The following SPATA6 variants were observed in gnomAD, a reference collection of about 807,000 sequenced individuals.
SPATA6 encodes the protein spermatogenesis-associated protein 6.
Under a neutral mutation model 65.3 loss-of-function variants are expected in SPATA6, and 56 were observed. The observed-to-expected ratio is 0.86, with a 90% confidence interval of 0.69 to 1.07. The LOEUF (loss-of-function observed/expected upper bound fraction) is 1.07, where lower values mean the gene tolerates loss of function less well. Among genes scored for constraint, SPATA6 ranks in the 50% least tolerant of loss-of-function variants. The pLI is 0.00. For missense variants in SPATA6, 590 were observed against 594.8 expected, an observed-to-expected ratio of 0.99 and a Z score of 0.08; for synonymous variants, 199 against 213.2, an observed-to-expected ratio of 0.93 and a Z score of 0.58.
chr1:48,268,496 C>A, the SPATA6 span, among the ~76,000 whole-genome samples: 3 of 151,962 alleles, frequency 2.0e-5, no homozygotes, highest in Non-Finnish European at 2.9e-5. Flanking sequence ...ACTTCTACCT[C>A]TAACATTCTC....
chr1:48,312,318 G>A (rs900473092), intron 11 of SPATA6, among the ~76,000 whole-genome samples: 1 of 152,080 alleles, frequency 6.6e-6, no homozygotes, highest in African/African-American at 2.4e-5. Context: ...GCACCCCCCA[G>A]TAGGGGCAGA....
intron 11 of SPATA6, among the ~76,000 whole-genome samples, chr1:48,353,728 T>A (rs930351878): frequency 1.3e-5 from 2 of 151,966 alleles, no homozygotes; most frequent in African/African-American, 2.4e-5. Flanking sequence ...GACTTGAACC[T>A]TTCTTGAAAT....
intron 9 of SPATA6, among the ~76,000 whole-genome samples, chr1:48,376,057 G>A (rs571363287): frequency 1.3e-5 from 2 of 152,268 alleles, no homozygotes; most frequent in South Asian, 4.1e-4. Context: ...TTGCCTTTCA[G>A]ATGCCTTCAC....
intron 1 of SPATA6, among the ~76,000 whole-genome samples, chr1:48,471,640 C>T (rs930081750): frequency 7.9e-5 from 12 of 152,082 alleles, no homozygotes; most frequent in Admixed American, 5.9e-4. Context: ...CCCCGCGCCG[C>T]GCACATACAC....
At chr1:48,315,060 A>G (rs1645365149) in intron 11 of SPATA6, among the ~76,000 whole-genome samples, 2 of 152,192 alleles carry the variant, frequency 1.3e-5, no homozygotes, top group South Asian at 2.1e-4. Context: ...ATAGCTTACC[A>G]AACAAAAAAA....
chr1:48,335,334 AG>A (rs750173593), intron 11 of SPATA6, among the ~76,000 whole-genome samples: 2 of 127,220 alleles, frequency 1.6e-5, no homozygotes, highest in Non-Finnish European at 1.9e-5. Flanking sequence ...AGGCAATCCT[AG>A]GCAAAAAAAA....
chr1:48,291,691 C>A (rs1485998338), downstream of SPATA6, among the ~76,000 whole-genome samples: 1 of 152,198 alleles, frequency 6.6e-6, no homozygotes, highest in Non-Finnish European at 1.5e-5. Flanking sequence ...AGAAAGCAAG[C>A]GGACTCACAG....
the SPATA6 span, among the ~76,000 whole-genome samples, chr1:48,281,990 A>G: frequency 6.6e-6 from 1 of 152,236 alleles, no homozygotes; most frequent in Non-Finnish European, 1.5e-5. Context: ...ACAGAGATAT[A>G]TATCAATGGA....
chr1:48,448,525 T>A (rs1656279542), intron 3 of SPATA6, among the ~76,000 whole-genome samples: 1 of 150,728 alleles, frequency 6.6e-6, no homozygotes, highest in Admixed American at 6.6e-5. Flanking sequence ...TCCATCCCCA[T>A]CAGCTGCAAT....
chr1:48,434,406 T>C (rs1256365719), intron 3 of SPATA6, among the ~76,000 whole-genome samples: 1 of 152,200 alleles, frequency 6.6e-6, no homozygotes, highest in Non-Finnish European at 1.5e-5. Context: ...AGTGGTACCT[T>C]TTCACACATT....
chr1:48,372,081 C>A (rs1307156965), intron 9 of SPATA6, among the ~76,000 whole-genome samples: 1 of 152,114 alleles, frequency 6.6e-6, no homozygotes, highest in African/African-American at 2.4e-5. Context: ...CTCCAAATAT[C>A]ATGTCCTCAC....
chr1:48,453,516 T>C (rs1656759805), intron 1 of SPATA6, among the ~76,000 whole-genome samples: 1 of 151,668 alleles, frequency 6.6e-6, no homozygotes, highest in South Asian at 2.1e-4. Flanking sequence ...AAACACTATA[T>C]TATAGAATTT....
the SPATA6 span, among the ~76,000 whole-genome samples, chr1:48,277,952 C>A: frequency 1.3e-5 from 2 of 152,170 alleles, no homozygotes; most frequent in African/African-American, 2.4e-5. Flanking sequence ...GGACTGACAC[C>A]TCACATGGCC....
At chr1:48,305,370 TG>T (rs1645035527) in intron 12 of SPATA6, among the ~76,000 whole-genome samples, 1 of 152,166 alleles carries the variant, frequency 6.6e-6, no homozygotes, top group African/African-American at 2.4e-5. Context: ...TCAAAAATCT[TG>T]ATGAAATTTG....
rs761561536 is a variant in SPATA6 at position 48,359,783 on chromosome 1, T to G, written c.910-13A>C. 6.3e-7 allele frequency: 1 copy of G among 1,577,002 alleles called. No homozygotes were observed. Among genetic ancestry groups the G allele is most frequent in the East Asian group, 2.3e-5 (1 of 42,614 alleles). On this transcript the variant is annotated splice_polypyrimidine_tract_variant and intron_variant, in intron 9 of 12. Coordinates refer to ENST00000371847, the MANE Select transcript of SPATA6 (RefSeq NM_019073.4). ...GTGTCCTGATAACCTGTTTTAAAAA[T>G]TATATACATATAGATATACAAATAC...
At chr1:48,288,472 T>A in the SPATA6 span, among the ~76,000 whole-genome samples, 2 of 152,156 alleles carry the variant, frequency 1.3e-5, no homozygotes, top group Non-Finnish European at 2.9e-5. Context: ...TGGGTTCATC[T>A]CACTGGGGCT....
intron 9 of SPATA6, among the ~76,000 whole-genome samples, chr1:48,365,735 G>A (rs1261280799): frequency 2.0e-5 from 3 of 152,114 alleles, no homozygotes; most frequent in African/African-American, 7.2e-5. Flanking sequence ...CATGTCATCT[G>A]CAAACAGGGA....
chr1:48,345,374 C>T (rs571355883), intron 11 of SPATA6, among the ~76,000 whole-genome samples: 50 of 152,100 alleles, frequency 3.3e-4, no homozygotes, highest in African/African-American at 1.2e-3. Context: ...GAACTAGATG[C>T]CCACATCAAA....
At chr1:48,422,519 T>G (rs1653445560) in intron 3 of SPATA6, among the ~76,000 whole-genome samples, 1 of 152,104 alleles carries the variant, frequency 6.6e-6, no homozygotes, top group South Asian at 2.1e-4. Context: ...GAAGACAGGA[T>G]CATAGGAATA....
Sources: gnomAD v4.1 joint callset for allele counts (sites outside exome capture counted in the v4.1 genomes callset) on GRCh38, gnomAD v4.1.1 for gene constraint, MANE v1.5 for transcripts, NCBI Gene and HGNC (gene_info 2026-07-23, HGNC 2026-07-21) for gene names.